SLCO3A1: variants seen among roughly 807,000 people sequenced by gnomAD.
The protein encoded by SLCO3A1 is solute carrier organic anion transporter family member 3A1.
Under a neutral mutation model 63.1 loss-of-function variants are expected in SLCO3A1, and 27 were observed. The observed-to-expected ratio is 0.43, with a 90% CI of 0.32 to 0.59. The LOEUF is 0.59. SLCO3A1 is among the 20% of genes least tolerant of loss of function. The pLI, the probability that SLCO3A1 is intolerant of heterozygous loss-of-function variation, is 0.09. For missense variants in SLCO3A1, 773 were observed against 945.8 expected (o/e 0.82, Z 2.40); for synonymous variants, 473 against 409.9 (o/e 1.15, Z -1.86).
rs1287179316 is a variant in SLCO3A1 at position 92,092,317 on chromosome 15, G to A, written c.647-2564G>A. Among the ~76,000 whole-genome samples the A allele has an allele frequency of 4.6e-5, 7 of 152,044 alleles. No individual in the cohort carries two copies. The East Asian group carries it at 7.7e-4, about 17-fold the overall frequency. On this transcript the variant is annotated intron_variant, in intron 2 of 9. Coordinates refer to ENST00000318445, the MANE Select transcript of SLCO3A1 (RefSeq NM_013272.4). Reference sequence around the variant, plus strand: ...AGTCTGTAGGGCATGGATCAGTGACGAATACATTGCTTGGGGGATTTATTT... The same window carrying A: ...AGTCTGTAGGGCATGGATCAGTGACAAATACATTGCTTGGGGGATTTATTT...
At chr15:91,997,452 G>A (rs72755634) in intron 2 of SLCO3A1, among the ~76,000 whole-genome samples, 27,143 of 152,048 alleles carry the variant, frequency 0.18, 2,903 homozygotes, top group East Asian at 0.33. Flanking sequence ...TGCAGATCCA[G>A]CACTATTCCT....
intron 2 of SLCO3A1, among the ~76,000 whole-genome samples, chr15:92,025,501 AGC>A: frequency 6.6e-6 from 1 of 152,344 alleles, no homozygotes; most frequent in Non-Finnish European, 1.5e-5. Context: ...TACTGTGGCT[AGC>A]AAACATATCA....
intron 2 of SLCO3A1, among the ~76,000 whole-genome samples, chr15:92,016,963 C>T (rs1307477675): frequency 1.4e-5 from 2 of 147,196 alleles, no homozygotes; most frequent in Non-Finnish European, 1.5e-5. Flanking sequence ...CTAGAAGTCA[C>T]AAGGGAGACC....
At chr15:91,961,282 G>A (rs1900435678) in intron 2 of SLCO3A1, among the ~76,000 whole-genome samples, 1 of 152,226 alleles carries the variant, frequency 6.6e-6, no homozygotes, top group Admixed American at 6.5e-5. Flanking sequence ...GCATAGTCAG[G>A]ACTGCCTTGG....
At chr15:92,124,917 G>T (rs1227406564) in intron 5 of SLCO3A1, among the ~76,000 whole-genome samples, 1 of 152,168 alleles carries the variant, frequency 6.6e-6, no homozygotes, top group East Asian at 1.9e-4. Flanking sequence ...CAGTGGCATG[G>T]TTGGGATGGG....
chr15:92,114,539 G>A (rs905095618), intron 4 of SLCO3A1, among the ~76,000 whole-genome samples: 15 of 152,138 alleles, frequency 9.9e-5, no homozygotes, highest in African/African-American at 3.1e-4. Flanking sequence ...ATGCTATTCC[G>A]TGACACCGTT....
intron 2 of SLCO3A1, among the ~76,000 whole-genome samples, chr15:92,076,381 A>G (rs1163610185): frequency 6.6e-6 from 1 of 151,986 alleles, no homozygotes; most frequent in East Asian, 1.9e-4. Flanking sequence ...GATGCAGCCT[A>G]TGTTCTGCTG....
At chr15:91,994,587 G>A (rs909987276) in intron 2 of SLCO3A1, among the ~76,000 whole-genome samples, 13 of 148,722 alleles carry the variant, frequency 8.7e-5, no homozygotes, top group Non-Finnish European at 1.8e-4. Flanking sequence ...TTGATGAAGT[G>A]CAGGGTTAAG....
At chr15:92,136,349 G>A (rs2048057124) in intron 7 of SLCO3A1, among the ~76,000 whole-genome samples, 1 of 152,122 alleles carries the variant, frequency 6.6e-6, no homozygotes, top group Admixed American at 6.5e-5. Context: ...GAAAATAACA[G>A]GCAGAAAACA....
At chr15:92,166,896 GC>G (rs1048477197), downstream of SLCO3A1, among the ~76,000 whole-genome samples, 11 of 152,108 alleles carry the variant, frequency 7.2e-5, no homozygotes, top group African/African-American at 2.7e-4. Flanking sequence ...TCTCCACCCA[GC>G]CATGCCTGCC....
Position 91,854,657 on chromosome 15 carries a change from G to C in SLCO3A1, c.180+569G>C, listed in dbSNP as rs967062609. Among the ~76,000 whole-genome samples the C allele has an allele frequency of 6.6e-6, 1 of 152,184 alleles. No homozygotes were observed. The highest frequency in any genetic ancestry group is 1.5e-5 in the Non-Finnish European group (1 of 68,030). ...CTGGCCTGAGCCGGGGCTGCAGGGGGAATATTGCCACCCGGTATCCCTATA... is the reference window on the plus strand; with the variant it reads ...CTGGCCTGAGCCGGGGCTGCAGGGGCAATATTGCCACCCGGTATCCCTATA... On this transcript the variant is annotated intron_variant, in intron 1 of 9. Transcript: ENST00000318445. The surrounding 1 kb of genome is among the most constrained non-coding windows in gnomAD (Gnocchi z 6.4).
At chr15:91,997,381 C>T (rs562140532) in intron 2 of SLCO3A1, among the ~76,000 whole-genome samples, 68 of 152,296 alleles carry the variant, frequency 4.5e-4, no homozygotes, top group Middle Eastern at 3.4e-3. Flanking sequence ...GGAAAAACAT[C>T]CCATGCTCAT....
chr15:91,961,332 A>G (rs1337976148), intron 2 of SLCO3A1, among the ~76,000 whole-genome samples: 2 of 152,090 alleles, frequency 1.3e-5, no homozygotes, highest in Non-Finnish European at 2.9e-5. Context: ...TTCTCTTCCC[A>G]TTTTCCCAAA....
At chr15:92,009,557 C>G (rs2046347406) in intron 2 of SLCO3A1, among the ~76,000 whole-genome samples, 1 of 152,154 alleles carries the variant, frequency 6.6e-6, no homozygotes. Context: ...GCTTTGACAC[C>G]ATGGTGCCAT....
Position 92,104,262 on chromosome 15 carries a change from GC to G in SLCO3A1, c.746-16del, listed in dbSNP as rs1191987891. ...AGCCTTCTTTTCTCCACTAAGCTGT[GC>G]TCTTTCCATTTACAGGTAACCTGGA... On this transcript the variant is annotated splice_polypyrimidine_tract_variant and intron_variant, in intron 3 of 9. Coordinates refer to ENST00000318445, the MANE Select transcript of SLCO3A1 (RefSeq NM_013272.4). 6.2e-7 allele frequency: 1 copy of G among 1,613,502 alleles called. No homozygotes were observed. Among genetic ancestry groups the G allele is most frequent in the Non-Finnish European group, 8.5e-7 (1 of 1,179,926 alleles).
intron 2 of SLCO3A1, among the ~76,000 whole-genome samples, chr15:91,980,765 G>T (rs971660914): frequency 6.6e-5 from 10 of 152,046 alleles, no homozygotes; most frequent in African/African-American, 1.9e-4. Flanking sequence ...GGAACAACTG[G>T]ACTTCTGTGC....
Position 91,877,177 on chromosome 15 carries a change from A to G in SLCO3A1, c.180+23089A>G, listed in dbSNP as rs574262350. Reference sequence around the variant, plus strand: ...GATGTGAAAGAATCTTTTCCCTTATATTTTATGTTGTCTCCTAACCACTTA... The same window carrying G: ...GATGTGAAAGAATCTTTTCCCTTATGTTTTATGTTGTCTCCTAACCACTTA... On this transcript the variant is annotated intron_variant, in intron 1 of 9. Coordinates refer to ENST00000318445, the MANE Select transcript of SLCO3A1 (RefSeq NM_013272.4). 1.5e-3 allele frequency among the ~76,000 whole-genome samples: 227 copies of G among 152,262 alleles called. 2 individuals are homozygous for G. Among genetic ancestry groups the G allele is most frequent in the African/African-American group, 5.4e-3 (223 of 41,536 alleles).
At chr15:91,915,897 CG>C (rs968211581) in intron 1 of SLCO3A1, 95 bp from the exon 2 acceptor site, 123 of 1,075,846 alleles carry the variant, frequency 1.1e-4, no homozygotes, top group Middle Eastern at 5.6e-4. Context: ...GGGAGGGTCC[CG>C]GGGGGGATGG....
intron 6 of SLCO3A1, among the ~76,000 whole-genome samples, chr15:92,127,017 C>G (rs1020384704): frequency 6.6e-6 from 1 of 152,180 alleles, no homozygotes; most frequent in Admixed American, 6.5e-5. Context: ...TGCGCTTGTG[C>G]CGGAAGATGC....
Sources: allele counts gnomAD v4.1 joint callset (sites outside exome capture counted in the v4.1 genomes callset), GRCh38; gene constraint gnomAD v4.1.1; non-coding constraint Gnocchi (gnomAD v3.1); transcripts MANE v1.5; gene names NCBI Gene and HGNC (gene_info 2026-07-23, HGNC 2026-07-21).